RPH3AL: variants seen among roughly 807,000 people sequenced by gnomAD.
RPH3AL encodes rab effector Noc2.
RPH3AL carries 38 observed loss-of-function variants against 43.1 expected under a neutral mutation model. The observed-to-expected ratio is 0.88, with a 90% CI of 0.68 to 1.15. The LOEUF is 1.15. Ranked by LOEUF, RPH3AL falls within the 50% of genes most tolerant of loss-of-function variation. RPH3AL has a pLI of 0.00. For synonymous variants in RPH3AL, 189 were observed against 176.3 expected, an observed-to-expected ratio of 1.07 and a Z score of -0.57; for missense variants, 462 against 423.2, an observed-to-expected ratio of 1.09 and a Z score of -0.81.
chr17:214,692 C>G (rs984483661), intron 9 of RPH3AL: 1 of 152,180 alleles, frequency 6.6e-6, no homozygotes, highest in African/African-American at 2.4e-5. Flanking sequence ...ACCACTGGAG[C>G]CCAGGAGGTC....
At chr17:263,679 T>G (rs562958023) in intron 6 of RPH3AL, among the ~76,000 whole-genome samples, 12 of 152,360 alleles carry the variant, frequency 7.9e-5, no homozygotes, top group Admixed American at 7.2e-4. Flanking sequence ...ACACTGAATC[T>G]GGATGTGGCT....
rs368954202 is a variant in RPH3AL at position 328,751 on chromosome 17, GATT to G, written c.-36-1175_-36-1173del. 6.6e-6 allele frequency among the ~76,000 whole-genome samples: 1 copy of G among 152,122 alleles called. No homozygotes were observed. The highest frequency in any genetic ancestry group is 2.4e-5 in the African/African-American group (1 of 41,398). On this transcript the variant is annotated intron_variant, in intron 2 of 9. Coordinates refer to ENST00000331302, the MANE Select transcript of RPH3AL (RefSeq NM_006987.4). The surrounding 1 kb of genome is among the most constrained non-coding windows in gnomAD (Gnocchi z 4.2). ...TTACAATGGATTATTATTTACAATG[GATT>G]ATTATTATTTACAATGGAGTATGAT...
At chr17:291,625 C>T (rs569961446) in intron 5 of RPH3AL, among the ~76,000 whole-genome samples, 8 of 152,158 alleles carry the variant, frequency 5.3e-5, no homozygotes, top group African/African-American at 1.2e-4. Flanking sequence ...GTGTTTCATG[C>T]CACACAATGT....
chr17:230,352 G>A lies in RPH3AL; in HGVS notation c.614-10616C>T, dbSNP rs1246256533. Reference sequence around the variant, plus strand: ...TTGAGGAGCTCCAGATAGAATGAAAGGTGGATGGACGGAAGAAGAGATCGG... The same window carrying A: ...TTGAGGAGCTCCAGATAGAATGAAAAGTGGATGGACGGAAGAAGAGATCGG... On this transcript the variant is annotated intron_variant, in intron 7 of 9. Coordinates refer to ENST00000331302, the MANE Select transcript of RPH3AL (RefSeq NM_006987.4). 2.6e-5 allele frequency among the ~76,000 whole-genome samples: 4 copies of A among 152,256 alleles called. No individual in the cohort carries two copies. In the East Asian group the frequency reaches 7.7e-4, roughly 29 times the overall value.
rs760605460 is a variant in RPH3AL at position 319,536 on chromosome 17, G to C, written c.235C>G (p.Arg79Gly). Residue 79 changes from arginine (R) to glycine (G), a missense_variant, in exon 5 of 10, where the codon CGG (arginine) becomes GGG (glycine). Physicochemically the swap from Arg to Gly is moderately radical, Grantham distance 125. Transcript: ENST00000331302. ...EQQRIGRLVE[R>G]LETMRRNVMG... Reference sequence around the variant, plus strand: ...ACATTCCGCCTCATGGTCTCCAGCCGCTCCACCAGCCGCCTGCAGCACAGG... The same window carrying C: ...ACATTCCGCCTCATGGTCTCCAGCCCCTCCACCAGCCGCCTGCAGCACAGG... 2 of 1,611,314 alleles carry C rather than the reference G, an allele frequency of 1.2e-6. No homozygotes were observed. The highest frequency in any genetic ancestry group is 1.7e-6 in the Non-Finnish European group (2 of 1,179,922).
Position 246,189 on chromosome 17 carries a change from G to A in RPH3AL, c.613+922C>T, listed in dbSNP as rs1555539883. ...ATGTCAGGTCACAACCGAAGACCAG[G>A]ATGTCGCAAAGCCCCTGAGAAGCGG... On this transcript the variant is annotated intron_variant, in intron 7 of 9. Transcript: ENST00000331302. This position sits in a 1 kb window ranked among gnomAD's most constrained non-coding sequence, Gnocchi z 4.8. Among the ~76,000 whole-genome samples the A allele has an allele frequency of 6.6e-6, 1 of 152,160 alleles. No individual in the cohort carries two copies. The highest frequency in any genetic ancestry group is 1.9e-4 in the East Asian group (1 of 5,182).
At chr17:314,751 C>T (rs200428003) in intron 5 of RPH3AL, among the ~76,000 whole-genome samples, 2 of 129,692 alleles carry the variant, frequency 1.5e-5, no homozygotes, top group South Asian at 2.4e-4. Flanking sequence ...GCTCCACCTC[C>T]ATTGACCTGT....
At chr17:253,214 G>A (rs2041954696) in intron 6 of RPH3AL, among the ~76,000 whole-genome samples, 1 of 152,200 alleles carries the variant, frequency 6.6e-6, no homozygotes, top group Non-Finnish European at 1.5e-5. Flanking sequence ...CCCTAGGACA[G>A]GCCTTGGGGG....
At chr17:272,318 C>T (rs1486459871) in intron 6 of RPH3AL, among the ~76,000 whole-genome samples, 2 of 151,952 alleles carry the variant, frequency 1.3e-5, no homozygotes, top group Non-Finnish European at 2.9e-5. Context: ...ATGTTTATTG[C>T]AGCACTATTC....
chr17:315,441 C>T (rs1555519954), intron 5 of RPH3AL, among the ~76,000 whole-genome samples: 1 of 4,086 alleles, frequency 2.4e-4, no homozygotes, highest in Non-Finnish European at 5.6e-4. Flanking sequence ...AGTCCCTGTG[C>T]CTCACCTCCA....
At chr17:310,046 GA>G (rs371282821) in intron 5 of RPH3AL, among the ~76,000 whole-genome samples, 14 of 145,776 alleles carry the variant, frequency 9.6e-5, no homozygotes, top group Non-Finnish European at 1.5e-4. Context: ...GCTGAGACCA[GA>G]AAAAAAAAAC....
intron 5 of RPH3AL, among the ~76,000 whole-genome samples, chr17:310,409 C>G (rs370269584): frequency 2.6e-5 from 4 of 152,140 alleles, no homozygotes; most frequent in Admixed American, 6.5e-5. Flanking sequence ...CCCAGGAGCA[C>G]CTGAGGCTCT....
intron 5 of RPH3AL, among the ~76,000 whole-genome samples, chr17:301,429 C>A (rs2043324805): frequency 6.6e-6 from 1 of 152,104 alleles, no homozygotes; most frequent in South Asian, 2.1e-4. Flanking sequence ...TCAGCCTCCC[C>A]AGTAGTTGAG....
At chr17:224,314 C>G (rs981878794) in intron 7 of RPH3AL, among the ~76,000 whole-genome samples, 4 of 152,244 alleles carry the variant, frequency 2.6e-5, no homozygotes, top group Admixed American at 6.5e-5. Context: ...CCTCCTGCAT[C>G]CCACGCCACC....
At chr17:331,794 T>A (rs992994288) in intron 2 of RPH3AL, 1 of 1,289,102 alleles carries the variant, frequency 7.8e-7, no homozygotes, top group Non-Finnish European at 1.0e-6. Context: ...CCTTCTCTCT[T>A]AAAAGCAGGG....
At chr17:261,101 AC>A in intron 6 of RPH3AL, among the ~76,000 whole-genome samples, 1 of 152,312 alleles carries the variant, frequency 6.6e-6, no homozygotes, top group South Asian at 2.1e-4. Flanking sequence ...CACAGCAGAT[AC>A]CCAACAAATA....
At chr17:228,829 T>C (rs1481734604) in intron 7 of RPH3AL, among the ~76,000 whole-genome samples, 2 of 152,200 alleles carry the variant, frequency 1.3e-5, no homozygotes, top group African/African-American at 4.8e-5. Flanking sequence ...CATGCTCTTC[T>C]GTGCCCTCTC....
chr17:274,065 T>C lies in RPH3AL; in HGVS notation c.438+7703A>G, dbSNP rs1005382537. ...CTACTGATTACAGCATCACTTTGAG[T>C]GAGTCATTCTTCGTTTTCGTTTAGT... On this transcript the variant is annotated intron_variant, in intron 6 of 9. Coordinates refer to ENST00000331302, the MANE Select transcript of RPH3AL (RefSeq NM_006987.4). The surrounding 1 kb of genome is among the most constrained non-coding windows in gnomAD (Gnocchi z 4.7). Among the ~76,000 whole-genome samples, 3 of 152,162 alleles carry C rather than the reference T, an allele frequency of 2.0e-5. No homozygotes were observed. The highest frequency in any genetic ancestry group is 6.5e-5 in the Admixed American group (1 of 15,284).
intron 7 of RPH3AL, among the ~76,000 whole-genome samples, chr17:234,953 T>C (rs2041327741): frequency 6.6e-6 from 1 of 152,164 alleles, no homozygotes; most frequent in African/African-American, 2.4e-5. Flanking sequence ...CTGCACCTCA[T>C]TAAGAATGAA....
Sources: allele counts gnomAD v4.1 joint callset (sites outside exome capture counted in the v4.1 genomes callset), GRCh38; gene constraint gnomAD v4.1.1; non-coding constraint Gnocchi (gnomAD v3.1); transcripts MANE v1.5; gene names NCBI Gene and HGNC (gene_info 2026-07-23, HGNC 2026-07-21).